LARS1: variants seen among roughly 807,000 people sequenced by gnomAD.
LARS1 encodes leucine--tRNA ligase, cytoplasmic.
Under a neutral mutation model 162.8 loss-of-function variants are expected in LARS1, and 100 were observed. The ratio of observed to expected loss-of-function variants is 0.61; its 90% CI spans 0.52 to 0.73. The LOEUF (loss-of-function observed/expected upper bound fraction) is 0.73. Among genes scored for constraint, LARS1 ranks in the 30% least tolerant of loss-of-function variants. The pLI, the probability that LARS1 is intolerant of heterozygous loss-of-function variation, is 0.00. For synonymous variants in LARS1, 457 were observed against 462.8 expected (o/e 0.99, Z 0.16); for missense variants, 1,258 against 1,408.9 (o/e 0.89, Z 1.71).
intron 10 of LARS1, among the ~76,000 whole-genome samples, chr5:146,155,661 A>G (rs1753493035): frequency 6.6e-6 from 1 of 152,236 alleles, no homozygotes; most frequent in Admixed American, 6.5e-5. Flanking sequence ...CTGCCTTTAT[A>G]GAATTTGCAG....
chr5:146,161,154 A>C (rs1753760445), intron 6 of LARS1, among the ~76,000 whole-genome samples: 1 of 152,204 alleles, frequency 6.6e-6, no homozygotes, highest in African/African-American at 2.4e-5. Flanking sequence ...TAAAAAGACA[A>C]TGTATATACC....
chr5:146,156,433 C>T (rs762337618), intron 10 of LARS1, among the ~76,000 whole-genome samples: 76 of 152,266 alleles, frequency 5.0e-4, no homozygotes, highest in South Asian at 1.2e-3. Context: ...GTGGCTTACG[C>T]CTGTAATCCC....
intron 5 of LARS1, among the ~76,000 whole-genome samples, chr5:146,166,137 T>C (rs1753994425): frequency 1.3e-5 from 2 of 152,190 alleles, no homozygotes; most frequent in Middle Eastern, 3.2e-3. Flanking sequence ...CCATAGTTTC[T>C]GAACACCATT....
chr5:146,153,183 T>G lies in LARS1; in HGVS notation c.1275A>C (p.Pro425=). Residue 425 remains proline (P), a synonymous_variant, in exon 13 of 32, where the codon CCA becomes CCC. Coordinates refer to ENST00000394434, the MANE Select transcript of LARS1 (RefSeq NM_020117.11). ...KYGIRDDMVL[P]FEPVPVIEIP... ...TTATCTATGTACTCACCGGCTCAAATGGCAAGACCATGTCATCTCTAATTC... is the reference window on the plus strand; with the variant it reads ...TTATCTATGTACTCACCGGCTCAAAGGGCAAGACCATGTCATCTCTAATTC... 6.2e-7 allele frequency: 1 copy of G among 1,613,048 alleles called. No homozygotes were observed. Among genetic ancestry groups the G allele is most frequent in the Non-Finnish European group, 8.5e-7 (1 of 1,179,300 alleles).
chr5:146,130,076 A>T lies in LARS1; in HGVS notation c.2570T>A (p.Leu857His), dbSNP rs1478285283. Residue 857 changes from leucine to histidine, a missense_variant, in exon 25 of 32, where the codon CTT (leucine) becomes CAT (histidine). Physicochemically the swap from Leu to His is moderately conservative, Grantham distance 99. Coordinates refer to ENST00000394434, the MANE Select transcript of LARS1 (RefSeq NM_020117.11). ...ATGTGGACAGAATGGAGCGAGGAGA[A>T]GTGTCTGAACTTCAATAAACCGGAA... Reference protein sequence around the residue: ...LVFRFIEVQTLLLAPFCPHLC... With the variant: ...LVFRFIEVQTHLLAPFCPHLC... 6.2e-7 allele frequency: 1 copy of T among 1,614,034 alleles called. No individual in the cohort carries two copies. The highest frequency in any genetic ancestry group is 8.5e-7 in the Non-Finnish European group (1 of 1,179,902).
At chr5:146,120,737 A>G (rs1751785101) in intron 30 of LARS1, among the ~76,000 whole-genome samples, 1 of 152,198 alleles carries the variant, frequency 6.6e-6, no homozygotes, top group South Asian at 2.1e-4. Context: ...GACACTAACA[A>G]TAACTACATT....
At chr5:146,144,921 G>A (rs1227969530) in intron 15 of LARS1, among the ~76,000 whole-genome samples, 5 of 152,002 alleles carry the variant, frequency 3.3e-5, no homozygotes, top group Admixed American at 6.6e-5. Context: ...TTCATCAAGT[G>A]GATCACTTTC....
chr5:146,159,351 C>T, intron 8 of LARS1, 56 bp downstream of exon 8: 6 of 1,378,970 alleles, frequency 4.4e-6, no homozygotes, highest in Non-Finnish European at 6.1e-6. Context: ...ATTTCTTAAA[C>T]TCTATAGTCT....
rs929934098 is a variant in LARS1 at position 146,144,503 on chromosome 5, G to A, written c.1624C>T (p.Gln542Ter). 4.3e-6 allele frequency: 7 copies of A among 1,613,678 alleles called. No homozygotes were observed. Among genetic ancestry groups the A allele is most frequent in the Non-Finnish European group, 5.9e-6 (7 of 1,179,928 alleles). ...LDYGEENWKK[Q>*]TSQCLKNLET... is the part of the protein sequence containing the mutation. ...AGGTTCTTCAAGCACTGAGATGTCT[G>A]TTTCTTCCAATTCTCTTCTCCATAA... Residue 542 changes from glutamine (Q) to a stop codon, truncating the protein, a stop_gained, in exon 17 of 32, where the codon CAG (glutamine) becomes TAG (stop). Coordinates refer to ENST00000394434, the MANE Select transcript of LARS1 (RefSeq NM_020117.11). LOFTEE classifies it high-confidence loss of function.
intron 31 of LARS1, among the ~76,000 whole-genome samples, chr5:146,115,212 A>G (rs1764156272): frequency 6.6e-6 from 1 of 152,140 alleles, no homozygotes; most frequent in African/African-American, 2.4e-5. Context: ...GCATTATCCT[A>G]TATGGTCTCT....
chr5:146,155,797 T>C (rs1266862599), intron 10 of LARS1, among the ~76,000 whole-genome samples: 1 of 152,236 alleles, frequency 6.6e-6, no homozygotes, highest in East Asian at 1.9e-4. Flanking sequence ...GCATTAAGAA[T>C]AGGAAAACAT....
At chr5:146,120,537 T>C in intron 30 of LARS1, 34 bp from the exon 31 acceptor site, 1 of 1,598,686 alleles carries the variant, frequency 6.3e-7, no homozygotes, top group Middle Eastern at 1.7e-4. Flanking sequence ...TTGTTTAACT[T>C]GAATACTGCT....
chr5:146,137,761 G>A (rs1752577516), intron 21 of LARS1: 2 of 307,840 alleles, frequency 6.5e-6, no homozygotes, highest in Non-Finnish European at 1.3e-5. Context: ...AAATATGGCT[G>A]GAAGGCTGTG....
At chr5:146,152,826 T>C (rs1339250516) in intron 13 of LARS1, among the ~76,000 whole-genome samples, 1 of 152,212 alleles carries the variant, frequency 6.6e-6, no homozygotes, top group Non-Finnish European at 1.5e-5. Flanking sequence ...GTACAGGACT[T>C]TGTTAAAGTT....
chr5:146,181,782 C>T (rs536760109), intron 1 of LARS1, among the ~76,000 whole-genome samples: 1 of 149,374 alleles, frequency 6.7e-6, no homozygotes, highest in Non-Finnish European at 1.5e-5. Flanking sequence ...TGTATTTTAC[C>T]CACACACATA....
At chr5:146,167,206 G>A (rs1003647393) in intron 5 of LARS1, among the ~76,000 whole-genome samples, 1 of 152,054 alleles carries the variant, frequency 6.6e-6, no homozygotes, top group Admixed American at 6.6e-5. Flanking sequence ...GAAGAGAAAA[G>A]GACATTAGTG....
At chr5:146,176,004 T>C (rs1022918612) in intron 2 of LARS1, among the ~76,000 whole-genome samples, 7 of 151,506 alleles carry the variant, frequency 4.6e-5, no homozygotes, top group African/African-American at 1.7e-4. Context: ...AAAAACAAAT[T>C]AGCCAGGCAT....
chr5:146,119,420 C>T (rs1297699999), intron 31 of LARS1, among the ~76,000 whole-genome samples: 1 of 152,122 alleles, frequency 6.6e-6, no homozygotes, highest in African/African-American at 2.4e-5. Context: ...TGTTACTACC[C>T]TAATATAGTT....
intron 5 of LARS1, 66 bp downstream of exon 5, chr5:146,168,062 G>A: frequency 7.5e-7 from 1 of 1,326,818 alleles, no homozygotes; most frequent in Non-Finnish European, 1.1e-6. Context: ...GCTAGTACTG[G>A]GAATGCACAT....
Sources: gnomAD v4.1 joint callset for allele counts (sites outside exome capture counted in the v4.1 genomes callset) on GRCh38, gnomAD v4.1.1 for gene constraint, MANE v1.5 for transcripts, NCBI Gene and HGNC (gene_info 2026-07-23, HGNC 2026-07-21) for gene names.